The following DNASE1 variants were observed in gnomAD, a reference collection of about 807,000 sequenced individuals.
The protein encoded by DNASE1 is deoxyribonuclease 1.
In DNASE1, 40 loss-of-function variants were observed where a neutral mutation model predicts 33.9. The observed-to-expected ratio is 1.18, with a 90% CI of 0.92 to 1.54. DNASE1 has a LOEUF of 1.54. Ranked by LOEUF, DNASE1 falls within the 40% of genes most tolerant of loss-of-function variation. DNASE1 has a pLI of 0.00. For missense variants in DNASE1, 518 were observed against 372.6 expected, an observed-to-expected ratio of 1.39 and a Z score of -3.21; for synonymous variants, 216 against 160.0, an observed-to-expected ratio of 1.35 and a Z score of -2.64.
At chr16:3,638,117 G>GTGTA (rs1405532513), upstream of DNASE1, among the ~76,000 whole-genome samples, 2 of 151,140 alleles carry the variant, frequency 1.3e-5, no homozygotes, top group African/African-American at 4.9e-5. Context: ...GTGTGTGTGT[G>GTGTA]TGTGTGTGTG....
At chr16:3,640,931 C>G, upstream of DNASE1, 1 of 398,644 alleles carries the variant, frequency 2.5e-6, no homozygotes, top group Non-Finnish European at 4.4e-6. Context: ...AGCCACTGTC[C>G]TGTCTCGATG....
upstream of DNASE1, among the ~76,000 whole-genome samples, chr16:3,639,769 A>G (rs2041978268): frequency 6.6e-6 from 1 of 152,190 alleles, no homozygotes; most frequent in Non-Finnish European, 1.5e-5. Context: ...TGAATTTCAA[A>G]TTGTTGGCCA....
chr16:3,630,599 T>A (rs576323719), intron 1 of DNASE1, among the ~76,000 whole-genome samples: 18 of 152,334 alleles, frequency 1.2e-4, no homozygotes, highest in African/African-American at 3.8e-4. Flanking sequence ...TGTCCTTTTT[T>A]AATCTTTTTT....
chr16:3,651,831 CACAG>C (rs2042344436), upstream of DNASE1: 1 of 152,444 alleles, frequency 6.6e-6, no homozygotes, highest in East Asian at 1.9e-4. Flanking sequence ...CATTGACTGA[CACAG>C]ACAGAAAAGA....
chr16:3,637,555 G>A (rs570707717), intron 1 of DNASE1, among the ~76,000 whole-genome samples: 2 of 152,300 alleles, frequency 1.3e-5, no homozygotes, highest in South Asian at 4.1e-4. Flanking sequence ...GAAGGCTTAG[G>A]GGTGCTTAAG....
intron 5 of DNASE1, 49 bp downstream of exon 5, chr16:3,656,802 T>TA (rs776778671): frequency 6.4e-7 from 1 of 1,555,378 alleles, no homozygotes; most frequent in South Asian, 1.2e-5. Context: ...GCTTATGGCC[T>TA]CCACCCCCTC....
chr16:3,649,152 C>A (rs2042257453), intron 1 of DNASE1, among the ~76,000 whole-genome samples: 1 of 152,212 alleles, frequency 6.6e-6, no homozygotes, highest in Non-Finnish European at 1.5e-5. Flanking sequence ...TTAGAAGGGA[C>A]AGAGGCTGTC....
chr16:3,657,408 G>A (rs1799892), intron 7 of DNASE1, 67 bp downstream of exon 7: 35 of 1,586,128 alleles, frequency 2.2e-5, no homozygotes, highest in South Asian at 1.1e-4. Context: ...CTCATAGGTC[G>A]GGCTTCAGAA....
upstream of DNASE1, chr16:3,641,106 C>G (rs955229283): frequency 2.0e-5 from 8 of 397,168 alleles, no homozygotes; most frequent in African/African-American, 1.2e-4. Context: ...ACAGCTGCAG[C>G]TGTGGCAGGG....
At chr16:3,643,759 TTTTA>T (rs1214378626) in intron 1 of DNASE1, among the ~76,000 whole-genome samples, 3 of 152,240 alleles carry the variant, frequency 2.0e-5, no homozygotes, top group South Asian at 2.1e-4. Context: ...TATTTTATTA[TTTTA>T]TTTATTTATT....
At position 3,664,410 on chromosome 16, in the gene DNASE1, C is replaced by CGG; in HGVS notation, c.*6457_*6458insGG. The CGG allele has an allele frequency of 2.5e-6, 4 of 1,612,230 alleles. No individual in the cohort carries two copies. In the South Asian group the frequency reaches 4.4e-5, roughly 18 times the overall value. ...GTATTCTGAGAGGCTGGTTAGCTGC[C>CGG]CGGAGGGCAGCGCCGAGGACTCGTA... On this transcript the variant is annotated 3_prime_UTR_variant, in exon 10 of 10. Coordinates refer to the DNASE1 transcript ENST00000407479.
Position 3,633,150 on chromosome 16 carries a change from A to G in DNASE1, c.-1358-7565A>G, listed in dbSNP as rs1274536046. 3.9e-5 allele frequency among the ~76,000 whole-genome samples: 6 copies of G among 152,192 alleles called. No individual in the cohort carries two copies. The East Asian group carries it at 1.2e-3, about 29-fold the overall frequency. On this transcript the variant is annotated intron_variant and NMD_transcript_variant, in intron 1 of 11. Transcript: ENST00000570769. ...TGATTATTGGTACAGTTAGATTAAT[A>G]TCTGCCATATTTATTACTGTTTTCT...
intron 1 of DNASE1, among the ~76,000 whole-genome samples, chr16:3,648,491 G>A (rs1025999824): frequency 6.6e-6 from 1 of 152,140 alleles, no homozygotes; most frequent in African/African-American, 2.4e-5. Context: ...GAACCCCAGA[G>A]GTGAAGCTTG....
chr16:3,655,995 C>A, intron 3 of DNASE1, 58 bp downstream of exon 3: 2 of 1,612,472 alleles, frequency 1.2e-6, no homozygotes, highest in South Asian at 2.2e-5. Flanking sequence ...CACAGCCTCA[C>A]TTCACTTGGG....
At chr16:3,662,643 C>A, downstream of DNASE1, 1 of 676,238 alleles carries the variant, frequency 1.5e-6, no homozygotes, top group Non-Finnish European at 2.7e-6. Context: ...GCTGGTTTTT[C>A]AGTTCTCAGT....
intron 1 of DNASE1, among the ~76,000 whole-genome samples, chr16:3,637,318 T>C (rs1372710933): frequency 3.9e-5 from 6 of 152,176 alleles, no homozygotes; most frequent in African/African-American, 1.2e-4. Flanking sequence ...GTCTGAGATA[T>C]GCAGGTTTTT....
At chr16:3,641,350 G>C (rs1247049470), upstream of DNASE1, 2 of 160,042 alleles carry the variant, frequency 1.2e-5, no homozygotes, top group Non-Finnish European at 2.7e-5. Context: ...TCCTCCTGGG[G>C]TGCTTTCCTG....
At chr16:3,662,379 T>A, downstream of DNASE1, 1 of 588,242 alleles carries the variant, frequency 1.7e-6, no homozygotes, top group Non-Finnish European at 3.0e-6. Context: ...CTCCAGGAGC[T>A]GCCCGAATCC....
exon 10 of DNASE1, chr16:3,663,255 C>G (rs998051646): frequency 2.3e-6 from 2 of 869,970 alleles, no homozygotes; most frequent in Non-Finnish European, 3.4e-6. Context: ...GATATCTAAA[C>G]CAGGAGGCAC....
Sources: allele counts gnomAD v4.1 joint callset (sites outside exome capture counted in the v4.1 genomes callset), GRCh38; gene constraint gnomAD v4.1.1; transcripts MANE v1.5; gene names NCBI Gene and HGNC (gene_info 2026-07-23, HGNC 2026-07-21).